Variants in ADGRA1 observed in about 807,000 individuals in gnomAD.
ADGRA1 encodes the protein adhesion G protein-coupled receptor A1, also known as G-protein coupled receptor 123.
Under a neutral mutation model 21.3 loss-of-function variants are expected in ADGRA1, and 12 were observed. The observed-to-expected ratio is 0.56, with a 90% CI of 0.36 to 0.91. The LOEUF (loss-of-function observed/expected upper bound fraction) is 0.91. Ranked by LOEUF, ADGRA1 falls within the 40% of genes least tolerant of loss-of-function variation. The pLI, the probability that ADGRA1 is intolerant of heterozygous loss-of-function variation, is 0.01. For missense variants in ADGRA1, 790 were observed against 805.6 expected, an observed-to-expected ratio of 0.98 and a Z score of 0.23; for synonymous variants, 385 against 368.8, an observed-to-expected ratio of 1.04 and a Z score of -0.50.
chr10:133,105,644 G>T (rs1591174996), intron 5 of ADGRA1, among the ~76,000 whole-genome samples: 1 of 152,210 alleles, frequency 6.6e-6, no homozygotes, highest in Non-Finnish European at 1.5e-5. Context: ...GAGCAGGGGG[G>T]ATGCCCCACC....
rs1852421616 is a variant in ADGRA1 at position 133,128,312 on chromosome 10, C to T, written c.501-17C>T. On this transcript the variant is annotated splice_polypyrimidine_tract_variant and intron_variant, in intron 6 of 6. Transcript: ENST00000392607. ...GCCGTGCTGGCCCCGCTGACACTGA[C>T]GTGCGTCTCCCCACAGCTGCTGGAT... 2 of 1,515,248 alleles carry T rather than the reference C, an allele frequency of 1.3e-6. No individual in the cohort carries two copies. Among genetic ancestry groups the T allele is most frequent in the South Asian group, 1.3e-5 (1 of 75,286 alleles). The allele number at this position is 1,515,248 out of a possible 1,614,324, so 93.9% of individuals were successfully genotyped here.
chr10:133,105,411 G>A lies in ADGRA1; in HGVS notation c.401+2569G>A, dbSNP rs189378285. Among the ~76,000 whole-genome samples, 362 of 152,216 alleles carry A rather than the reference G, an allele frequency of 2.4e-3. 2 individuals are homozygous for A. Among genetic ancestry groups the A allele is most frequent in the African/African-American group, 8.4e-3 (350 of 41,542 alleles). ...AAATAACAAGAAAACGGCTGTCCCC[G>A]AGAAGCAGCTGCGTGAACTCAGGAC... is the stretch of plus-strand genomic sequence containing the variant. On this transcript the variant is annotated intron_variant, in intron 5 of 6. Transcript: ENST00000392607.
At chr10:133,121,626 GAT>G (rs1433466640) in intron 5 of ADGRA1, among the ~76,000 whole-genome samples, 1 of 145,862 alleles carries the variant, frequency 6.9e-6, no homozygotes, top group African/African-American at 2.5e-5. Context: ...CTGTGTGTGT[GAT>G]GTGTGCCAGT....
At position 133,095,741 on chromosome 10, in the gene ADGRA1, G is replaced by A. The variant is rs540649928; in HGVS notation, c.4-1233G>A. The A allele has an allele frequency of 1.8e-5, 29 of 1,598,550 alleles. No individual in the cohort carries two copies. In the South Asian group the frequency reaches 3.0e-4, roughly 16 times the overall value. ...GAAGTGTGGCCTCAGGAGGGAAGCA[G>A]GAGCTCTCGGGCCCGCTGGCTGCCT... On this transcript the variant is annotated intron_variant, in intron 2 of 6. Transcript: ENST00000392607.
intron 2 of ADGRA1, chr10:133,092,890 C>G: frequency 7.6e-7 from 1 of 1,314,876 alleles, no homozygotes; most frequent in Non-Finnish European, 9.9e-7. Context: ...ATGAAGGGAG[C>G]CTGAACCTGG....
At chr10:133,091,779 C>T (rs1304376632) in intron 2 of ADGRA1, among the ~76,000 whole-genome samples, 2 of 152,200 alleles carry the variant, frequency 1.3e-5, no homozygotes, top group Admixed American at 6.5e-5. Context: ...ACTTCCTTCC[C>T]CAGCTTCTGA....
chr10:133,122,356 C>T (rs772146672), intron 5 of ADGRA1, among the ~76,000 whole-genome samples: 1 of 152,220 alleles, frequency 6.6e-6, no homozygotes, highest in South Asian at 2.1e-4. Flanking sequence ...CCAGCGTGTG[C>T]TGATTCCGAC....
At chr10:133,118,745 G>A (rs1852200856) in intron 5 of ADGRA1, among the ~76,000 whole-genome samples, 1 of 152,136 alleles carries the variant, frequency 6.6e-6, no homozygotes, top group African/African-American at 2.4e-5. Context: ...ATGAGATTTG[G>A]GTGAGGACAC....
chr10:133,110,421 C>T (rs11101937), intron 5 of ADGRA1, among the ~76,000 whole-genome samples: 28,580 of 152,236 alleles, frequency 0.19, 3,328 homozygotes, highest in East Asian at 0.56. Context: ...CCACATCCTG[C>T]GTCCCTGCAC....
At chr10:133,127,430 C>A in intron 6 of ADGRA1, 99 bp downstream of exon 6, 2 of 919,466 alleles carry the variant, frequency 2.2e-6, no homozygotes, top group Non-Finnish European at 3.3e-6. Flanking sequence ...CAGGACGAAG[C>A]AGCAAGGCCT....
chr10:133,115,745 G>T (rs1238509711), intron 5 of ADGRA1, among the ~76,000 whole-genome samples: 4 of 152,118 alleles, frequency 2.6e-5, no homozygotes, highest in Non-Finnish European at 4.4e-5. Flanking sequence ...TGACACACCG[G>T]CTGCAAGCCT....
At position 133,106,667 on chromosome 10, in the gene ADGRA1, G is replaced by A. The variant is rs567378015; in HGVS notation, c.401+3825G>A. Among the ~76,000 whole-genome samples, 20 of 152,394 alleles carry A rather than the reference G, an allele frequency of 1.3e-4. No homozygotes were observed. The East Asian group carries it at 1.5e-3, about 12-fold the overall frequency. On this transcript the variant is annotated intron_variant, in intron 5 of 6. Coordinates refer to ENST00000392607, the MANE Select transcript of ADGRA1 (RefSeq NM_001083909.3). Reference sequence around the variant, plus strand: ...GCTGGCTTCCCCGCATCGGGGGTACGGCAGCAGACACCCATCCCAGATCCT... The same window carrying A: ...GCTGGCTTCCCCGCATCGGGGGTACAGCAGCAGACACCCATCCCAGATCCT...
chr10:133,089,323 A>G (rs1851559303), intron 2 of ADGRA1, among the ~76,000 whole-genome samples: 1 of 152,024 alleles, frequency 6.6e-6, no homozygotes, highest in East Asian at 1.9e-4. Context: ...TTCCCATTAG[A>G]AAGTTGATGA....
rs1379607765 is a variant in ADGRA1, at chr10:133,130,205, G to A, written c.*694G>A. 1 of 152,274 alleles carries A rather than the reference G, an allele frequency of 6.6e-6. No homozygotes were observed. The highest frequency in any genetic ancestry group is 2.4e-5 in the African/African-American group (1 of 41,464). 9.4% of individuals were successfully genotyped at this position (152,274 alleles called of 1,614,324 possible). A position where few individuals can be genotyped will look rare whatever the true frequency, so the allele number is the denominator to read the frequency against. On this transcript the variant is annotated 3_prime_UTR_variant, in exon 7 of 7. Transcript: ENST00000392607. ...TAGCCCCAGCCCTGCAGGGCTGAGA[G>A]CACCACAGATGCTGGGGGCTGCTCT...
At position 133,111,934 on chromosome 10, in the gene ADGRA1, AG is replaced by A. The variant is rs1564849647; in HGVS notation, c.401+9093del. Among the ~76,000 whole-genome samples, 42 of 18,150 alleles carry A rather than the reference AG, an allele frequency of 2.3e-3. 8 individuals are homozygous for A. The highest frequency in any genetic ancestry group is 0.026 in the Middle Eastern group (1 of 38). The allele number at this position is 18,150 out of a possible 152,430, so 11.9% of individuals were successfully genotyped here. On this transcript the variant is annotated intron_variant, in intron 5 of 6. Transcript: ENST00000392607. Reference sequence around the variant, plus strand: ...GCCTCCAGACCACCTGCCCGCCGTGAGCACCTCCCTCCTAATCCCTCCAGAC... The same window carrying A: ...GCCTCCAGACCACCTGCCCGCCGTGACACCTCCCTCCTAATCCCTCCAGAC...
At chr10:133,123,965 G>A (rs1220588954) in intron 5 of ADGRA1, among the ~76,000 whole-genome samples, 4 of 152,216 alleles carry the variant, frequency 2.6e-5, no homozygotes, top group Admixed American at 1.3e-4. Context: ...CTGGTTTCAG[G>A]GAAGAGAACG....
chr10:133,128,689 C>T lies in ADGRA1; in HGVS notation c.861C>T (p.Phe287=). 1 of 1,611,852 alleles carries T rather than the reference C, an allele frequency of 6.2e-7. No homozygotes were observed. The change falls in exon 7 of 7, where the codon TTC becomes TTT. Residue 287 remains phenylalanine, a synonymous_variant. Transcript: ENST00000392607. ...VSQGHFLDMV[F]SCLYGAFCVT... ...AGGGCCACTTCCTGGACATGGTCTT[C>T]AGCTGCCTGTACGGCGCCTTCTGCG...
chr10:133,124,816 G>A (rs1051689376), intron 5 of ADGRA1, among the ~76,000 whole-genome samples: 10 of 152,186 alleles, frequency 6.6e-5, no homozygotes, highest in South Asian at 2.1e-4. Flanking sequence ...TGGACCCAGC[G>A]GAGCACCCCC....
At chr10:133,123,178 G>A (rs1396105415) in intron 5 of ADGRA1, among the ~76,000 whole-genome samples, 2 of 152,082 alleles carry the variant, frequency 1.3e-5, no homozygotes, top group Admixed American at 6.6e-5. Context: ...TCCCTGGCAG[G>A]GGCCCCGCGA....
Sources: gnomAD v4.1 joint callset for allele counts (sites outside exome capture counted in the v4.1 genomes callset) on GRCh38, gnomAD v4.1.1 for gene constraint, MANE v1.5 for transcripts, NCBI Gene and HGNC (gene_info 2026-07-23, HGNC 2026-07-21) for gene names.